Variants in SEM1 observed in about 807,000 individuals in gnomAD.
SEM1 encodes 26S proteasome complex subunit SEM1.
SEM1 carries 3 observed loss-of-function variants against 12.7 expected under a neutral mutation model. The observed-to-expected ratio is 0.24, with a 90% CI of 0.11 to 0.61. The LOEUF is 0.61. SEM1 is among the 20% of genes least tolerant of loss of function. SEM1 has a pLI of 0.88. For missense variants in SEM1, 59 were observed against 81.3 expected (o/e 0.73, Z 1.06); for synonymous variants, 30 against 27.8 (o/e 1.08, Z -0.25).
At chr7:96,567,673 T>A (rs1334290350) in intron 2 of SEM1, among the ~76,000 whole-genome samples, 1 of 151,598 alleles carries the variant, frequency 6.6e-6, no homozygotes, top group Non-Finnish European at 1.5e-5. Flanking sequence ...TATTTATTAT[T>A]TTTTTATCAA....
At chr7:96,594,340 G>A (rs560829433) in intron 2 of SEM1, among the ~76,000 whole-genome samples, 1 of 151,976 alleles carries the variant, frequency 6.6e-6, no homozygotes, top group African/African-American at 2.4e-5. Context: ...CACACCAAGA[G>A]CTCCTTCCCA....
At chr7:96,553,191 T>A (rs1256731383) in intron 2 of SEM1, among the ~76,000 whole-genome samples, 1 of 150,216 alleles carries the variant, frequency 6.7e-6, no homozygotes, top group Non-Finnish European at 1.5e-5. Flanking sequence ...AGAAGCTCTT[T>A]AGTTTAATTA....
chr7:96,590,312 A>G (rs1385851108), intron 2 of SEM1, among the ~76,000 whole-genome samples: 1 of 152,208 alleles, frequency 6.6e-6, no homozygotes, highest in Non-Finnish European at 1.5e-5. Context: ...TATCCTAACA[A>G]ATAGTTCATT....
At position 96,558,434 on chromosome 7, in the gene SEM1, A is replaced by G. The variant is rs1805596064; in HGVS notation, c.171-51736T>C. On this transcript the variant is annotated intron_variant and NMD_transcript_variant, in intron 2 of 3. Transcript: ENST00000466986. ...GGAGTCCAAAACCATCAAAAGGTCA[A>G]CCTGGGATGAGTTTAATCAGCTGAG... Among the ~76,000 whole-genome samples, 3 of 152,200 alleles carry G rather than the reference A, an allele frequency of 2.0e-5. No homozygotes were observed. In the South Asian group the frequency reaches 6.2e-4, roughly 31 times the overall value.
intron 2 of SEM1, among the ~76,000 whole-genome samples, chr7:96,644,943 A>C (rs1223834144): frequency 6.6e-6 from 1 of 152,148 alleles, no homozygotes; most frequent in African/African-American, 2.4e-5. Context: ...AGATTCCAAG[A>C]GTTTTTATAT....
chr7:96,652,896 T>A (rs1269541858), intron 2 of SEM1, among the ~76,000 whole-genome samples: 1 of 152,210 alleles, frequency 6.6e-6, no homozygotes, highest in African/African-American at 2.4e-5. Flanking sequence ...CCATTAATGT[T>A]GACACACTAG....
At chr7:96,613,877 T>C (rs1807621901) in intron 2 of SEM1, among the ~76,000 whole-genome samples, 1 of 152,248 alleles carries the variant, frequency 6.6e-6, no homozygotes, top group African/African-American at 2.4e-5. Flanking sequence ...TGACAGACTT[T>C]CCTGCTTTTT....
intron 2 of SEM1, among the ~76,000 whole-genome samples, chr7:96,519,326 GA>G (rs76562587): frequency 0.027 from 4,156 of 152,158 alleles, 87 homozygotes; most frequent in East Asian, 0.07. Context: ...ATACATCAGT[GA>G]ACAATAAAAA....
intron 2 of SEM1, among the ~76,000 whole-genome samples, chr7:96,655,442 CTTT>C (rs72335497): frequency 9.7e-4 from 134 of 137,700 alleles, no homozygotes; most frequent in African/African-American, 3.5e-3. Flanking sequence ...ATGCAAATAC[CTTT>C]TTTTTTTTTT....
At chr7:96,663,660 A>G (rs1451895565) in intron 2 of SEM1, among the ~76,000 whole-genome samples, 1 of 152,142 alleles carries the variant, frequency 6.6e-6, no homozygotes, top group Non-Finnish European at 1.5e-5. Context: ...TCAACTAATT[A>G]CTTTCCTTAC....
rs76276457 is a variant in SEM1, at chr7:96,613,182, G to A, written c.170+81616C>T. 8.1e-4 allele frequency among the ~76,000 whole-genome samples: 124 copies of A among 152,212 alleles called. 2 individuals are homozygous for A. In the East Asian group the frequency reaches 0.022, roughly 27 times the overall value. On this transcript the variant is annotated intron_variant and NMD_transcript_variant, in intron 2 of 3. Transcript: ENST00000466986. ...GAGATATTTTATAACTCTATATATT[G>A]TAGATAACTGATAGCTATGCAAAAT...
At chr7:96,661,148 A>G (rs1563102303) in intron 2 of SEM1, among the ~76,000 whole-genome samples, 2 of 152,188 alleles carry the variant, frequency 1.3e-5, no homozygotes, top group African/African-American at 2.4e-5. Flanking sequence ...ACATAAGTTT[A>G]CACACCCAGT....
chr7:96,559,719 C>T (rs987924620), intron 2 of SEM1, among the ~76,000 whole-genome samples: 2 of 152,224 alleles, frequency 1.3e-5, no homozygotes, highest in African/African-American at 4.8e-5. Context: ...ATCTTGTTAT[C>T]TTCTTCCTGG....
At chr7:96,704,446 T>C (rs996171431) in intron 1 of SEM1, among the ~76,000 whole-genome samples, 1 of 152,164 alleles carries the variant, frequency 6.6e-6, no homozygotes, top group African/African-American at 2.4e-5. Context: ...GGAAGTTAAG[T>C]AACTAGCATG....
At chr7:96,484,058 T>G in intron 3 of SEM1, 2 of 1,355,236 alleles carry the variant, frequency 1.5e-6, no homozygotes, top group Non-Finnish European at 2.0e-6. Flanking sequence ...ATTAACTTAT[T>G]CAATCTTCAC....
intron 2 of SEM1, among the ~76,000 whole-genome samples, chr7:96,519,588 G>A (rs1804205859): frequency 6.6e-6 from 1 of 152,070 alleles, no homozygotes; most frequent in Admixed American, 6.6e-5. Context: ...ACTCGAAGGA[G>A]GTGAGGGAAC....
At chr7:96,487,179 C>T (rs1412211735) in intron 1 of SEM1, among the ~76,000 whole-genome samples, 1 of 145,334 alleles carries the variant, frequency 6.9e-6, no homozygotes, top group Non-Finnish European at 1.5e-5. Flanking sequence ...AAGGGAGTAT[C>T]ACACAGTAAT....
At chr7:96,484,050 T>A in intron 3 of SEM1, 1 of 1,387,818 alleles carries the variant, frequency 7.2e-7, no homozygotes, top group East Asian at 2.5e-5. Context: ...TCATGCATAT[T>A]AACTTATTCA....
chr7:96,517,415 A>T (rs951691285), intron 2 of SEM1, among the ~76,000 whole-genome samples: 28 of 152,280 alleles, frequency 1.8e-4, no homozygotes, highest in Middle Eastern at 6.8e-3. Context: ...TGTTGCCATT[A>T]TACTCTAGAC....
Sources: gnomAD v4.1 joint callset for allele counts (sites outside exome capture counted in the v4.1 genomes callset) on GRCh38, gnomAD v4.1.1 for gene constraint, MANE v1.5 for transcripts, NCBI Gene and HGNC (gene_info 2026-07-23, HGNC 2026-07-21) for gene names.